Variants in ROBO2 observed in about 807,000 individuals in gnomAD.
ROBO2 encodes roundabout homolog 2.
In ROBO2, 53 loss-of-function variants were observed where a neutral mutation model predicts 160.8. The observed-to-expected ratio is 0.33, with a 90% CI of 0.26 to 0.41. The LOEUF (loss-of-function observed/expected upper bound fraction) is 0.41, where lower values mean the gene tolerates loss of function less well. Ranked by LOEUF, ROBO2 falls within the 10% of genes least tolerant of loss-of-function variation. The probability of loss-of-function intolerance (pLI) is 1.00; values close to 1 mark genes in which losing one functional copy is unlikely to be tolerated. For missense variants in ROBO2, 1,577 were observed against 1,722.4 expected, an observed-to-expected ratio of 0.92 and a Z score of 1.49; for synonymous variants, 664 against 611.7, an observed-to-expected ratio of 1.09 and a Z score of -1.26.
intron 2 of ROBO2, among the ~76,000 whole-genome samples, chr3:76,399,335 C>A (rs1004034015): frequency 1.3e-4 from 20 of 151,520 alleles, no homozygotes; most frequent in African/African-American, 4.8e-4. Context: ...TATGACAGCA[C>A]CTAGAGGAAG....
At chr3:77,080,159 G>A (rs2149916608) in intron 1 of ROBO2, among the ~76,000 whole-genome samples, 1 of 152,212 alleles carries the variant, frequency 6.6e-6, no homozygotes, top group East Asian at 1.9e-4. Context: ...ACCAATTAAT[G>A]GTAGATAAAA....
chr3:76,298,930 C>T (rs1709220267), intron 2 of ROBO2, among the ~76,000 whole-genome samples: 1 of 152,138 alleles, frequency 6.6e-6, no homozygotes, highest in Non-Finnish European at 1.5e-5. Flanking sequence ...ATGCCTCTGC[C>T]AGGGGCAACC....
At chr3:76,684,998 C>T (rs1169237675) in intron 2 of ROBO2, among the ~76,000 whole-genome samples, 2 of 151,594 alleles carry the variant, frequency 1.3e-5, no homozygotes, top group East Asian at 1.9e-4. Flanking sequence ...TTTCCACCAC[C>T]CATGGAAAGG....
intron 2 of ROBO2, among the ~76,000 whole-genome samples, chr3:76,396,632 A>C (rs1034503201): frequency 6.6e-6 from 1 of 152,206 alleles, no homozygotes; most frequent in Non-Finnish European, 1.5e-5. Flanking sequence ...AAGTCTCAGG[A>C]TAAAAAATCA....
chr3:77,054,161 A>T (rs12634541), intron 1 of ROBO2, among the ~76,000 whole-genome samples: 25,206 of 152,180 alleles, frequency 0.17, 2,285 homozygotes, highest in East Asian at 0.43. Flanking sequence ...GGAAAGTTCA[A>T]GTAGTTCCTT....
chr3:76,690,884 C>T (rs977756074), intron 2 of ROBO2, among the ~76,000 whole-genome samples: 1 of 151,918 alleles, frequency 6.6e-6, no homozygotes, highest in Non-Finnish European at 1.5e-5. Flanking sequence ...CCTTCTAAAA[C>T]TCATGTTGAA....
chr3:76,273,139 A>G (rs1264321016), intron 2 of ROBO2, among the ~76,000 whole-genome samples: 1 of 129,382 alleles, frequency 7.7e-6, no homozygotes, highest in East Asian at 2.1e-4. Context: ...ATATATATAT[A>G]TATATATACA....
At chr3:77,362,711 C>G (rs1187465318) in intron 2 of ROBO2, among the ~76,000 whole-genome samples, 1 of 151,966 alleles carries the variant, frequency 6.6e-6, no homozygotes, top group Non-Finnish European at 1.5e-5. Context: ...TAAGACATAC[C>G]CAAGACTGGG....
At chr3:76,931,583 A>G (rs1432100545) in intron 2 of ROBO2, among the ~76,000 whole-genome samples, 1 of 151,978 alleles carries the variant, frequency 6.6e-6, no homozygotes, top group Non-Finnish European at 1.5e-5. Context: ...ACACGTATAT[A>G]TGAGCATTTA....
chr3:77,365,203 A>C (rs1301290596), intron 2 of ROBO2, among the ~76,000 whole-genome samples: 2 of 151,422 alleles, frequency 1.3e-5, no homozygotes, highest in East Asian at 3.9e-4. Flanking sequence ...CTTCAGTGGG[A>C]AAGTATGGAA....
At chr3:77,484,536 CA>C (rs2085107709) in intron 4 of ROBO2, among the ~76,000 whole-genome samples, 4 of 151,648 alleles carry the variant, frequency 2.6e-5, no homozygotes, top group Non-Finnish European at 5.9e-5. Context: ...CACACACACA[CA>C]CACACATATA....
chr3:76,202,664 A>G (rs1202065200), intron 2 of ROBO2, among the ~76,000 whole-genome samples: 1 of 152,166 alleles, frequency 6.6e-6, no homozygotes, highest in Non-Finnish European at 1.5e-5. Flanking sequence ...TCCATGATAC[A>G]GTCATCTAAA....
intron 2 of ROBO2, among the ~76,000 whole-genome samples, chr3:76,603,547 GAATA>G (rs1356019937): frequency 6.6e-6 from 1 of 151,446 alleles, no homozygotes; most frequent in Non-Finnish European, 1.5e-5. Context: ...TCTGATGAAT[GAATA>G]GATGGAGTTT....
rs553270958 is a variant in ROBO2 at position 76,760,635 on chromosome 3, C to T, written c.110-337379C>T. Among the ~76,000 whole-genome samples, 63 of 151,808 alleles carry T rather than the reference C, an allele frequency of 4.1e-4. 1 individual carries two copies. The South Asian group carries it at 0.012, about 30-fold the overall frequency. On this transcript the variant is annotated intron_variant, in intron 2 of 26. Transcript: ENST00000487694. ...TACTAACCTTTTGCTCTTACACACA[C>T]ACACATTTTATATTTTCTACGCATA...
At chr3:76,264,048 A>G (rs534544758) in intron 2 of ROBO2, among the ~76,000 whole-genome samples, 10 of 152,118 alleles carry the variant, frequency 6.6e-5, no homozygotes, top group Non-Finnish European at 1.3e-4. Flanking sequence ...GGAGAGGAAT[A>G]TCACACTCCT....
intron 2 of ROBO2, among the ~76,000 whole-genome samples, chr3:76,313,592 C>T (rs1305503534): frequency 1.3e-5 from 2 of 151,400 alleles, no homozygotes; most frequent in Non-Finnish European, 2.9e-5. Flanking sequence ...GGAAATACAA[C>T]ATTTTAAAGG....
chr3:77,171,513 A>G (rs1001582401), intron 2 of ROBO2, among the ~76,000 whole-genome samples: 2 of 151,960 alleles, frequency 1.3e-5, no homozygotes, highest in Non-Finnish European at 2.9e-5. Flanking sequence ...ATGGACTGGA[A>G]AGTAGATATT....
chr3:76,764,029 A>C (rs1246954215), intron 2 of ROBO2, among the ~76,000 whole-genome samples: 1 of 151,752 alleles, frequency 6.6e-6, no homozygotes, highest in Non-Finnish European at 1.5e-5. Flanking sequence ...TTAACAACAA[A>C]GAATCTTCGT....
chr3:76,646,245 G>A (rs181612753), intron 2 of ROBO2, among the ~76,000 whole-genome samples: 105 of 152,286 alleles, frequency 6.9e-4, no homozygotes, highest in Non-Finnish European at 1.2e-3. Context: ...GAAGAAGGAG[G>A]CTAAGTGGAA....
Sources: allele counts gnomAD v4.1 joint callset (sites outside exome capture counted in the v4.1 genomes callset), GRCh38; gene constraint gnomAD v4.1.1; transcripts MANE v1.5; gene names NCBI Gene and HGNC (gene_info 2026-07-23, HGNC 2026-07-21).